Variants in OSBPL3 observed in about 807,000 individuals in gnomAD.
OSBPL3 encodes oxysterol binding protein like 3.
OSBPL3 carries 65 observed loss-of-function variants against 120.1 expected under a neutral mutation model. The observed-to-expected ratio is 0.54, with a 90% CI of 0.44 to 0.67. OSBPL3 has a LOEUF of 0.67. Ranked by LOEUF, OSBPL3 falls within the 30% of genes least tolerant of loss-of-function variation. The pLI is 0.00. For missense variants in OSBPL3, 1,004 were observed against 1,082.1 expected, an observed-to-expected ratio of 0.93 and a Z score of 1.01; for synonymous variants, 416 against 402.6, an observed-to-expected ratio of 1.03 and a Z score of -0.40.
rs1817397178 is a variant in OSBPL3, at chr7:24,974,777, TGAAATGTCTA to T, written c.-150+5099_-150+5108del. Among the ~76,000 whole-genome samples the T allele has an allele frequency of 2.0e-5, 3 of 152,286 alleles. 1 individual carries two copies. In the South Asian group the frequency reaches 6.2e-4, roughly 32 times the overall value. The stretch of plus-strand genomic sequence containing the variant: ...CACATACTATATGACTCCCCTTATA[TGAAATGTCTA>T]GAATAGGCAAATCCATACAGGCATA... On this transcript the variant is annotated intron_variant, in intron 1 of 22. Coordinates refer to ENST00000313367, the MANE Select transcript of OSBPL3 (RefSeq NM_015550.4).
At position 24,968,012 on chromosome 7, in the gene OSBPL3, CT is replaced by C. The variant is rs1398197898; in HGVS notation, c.-150+11873del. 6.6e-6 allele frequency among the ~76,000 whole-genome samples: 1 copy of C among 152,174 alleles called. No homozygotes were observed. The highest frequency in any genetic ancestry group is 1.5e-5 in the Non-Finnish European group (1 of 68,022). On this transcript the variant is annotated intron_variant, in intron 1 of 22. Coordinates refer to ENST00000313367, the MANE Select transcript of OSBPL3 (RefSeq NM_015550.4). The surrounding 1 kb of genome is among the most constrained non-coding windows in gnomAD (Gnocchi z 4.6). ...ACATACGCCTGAAACTCTGCAGTTA[CT>C]TTTTGGTTTGCTTTATATATTTACT...
chr7:24,885,216 T>C lies in OSBPL3; in HGVS notation c.96+7161A>G, dbSNP rs538940920. 1.6e-4 allele frequency among the ~76,000 whole-genome samples: 22 copies of C among 139,704 alleles called. No homozygotes were observed. In the East Asian group the frequency reaches 3.2e-3, roughly 20 times the overall value. The allele number at this position is 139,704 out of a possible 152,430, so 91.7% of individuals were successfully genotyped here. On this transcript the variant is annotated intron_variant, in intron 2 of 22. Coordinates refer to ENST00000313367, the MANE Select transcript of OSBPL3 (RefSeq NM_015550.4). ...CAGCCTGGGCAACAGAGTGAGACTCTGTCTCAAAAACAAAAAAAAAAAAAA... is the reference window on the plus strand; with the variant it reads ...CAGCCTGGGCAACAGAGTGAGACTCCGTCTCAAAAACAAAAAAAAAAAAAA...
chr7:24,809,673 C>T (rs766797261), intron 20 of OSBPL3, 134 bp downstream of exon 20: 32 of 739,412 alleles, frequency 4.3e-5, no homozygotes, highest in Non-Finnish European at 6.1e-5. Context: ...AGAGGGCCTA[C>T]ACCTCTAACC....
At chr7:24,823,650 C>T (rs980527062) in intron 16 of OSBPL3, among the ~76,000 whole-genome samples, 5 of 152,160 alleles carry the variant, frequency 3.3e-5, no homozygotes, top group African/African-American at 4.8e-5. Flanking sequence ...ACCTCAGTCT[C>T]GCATATTTCT....
intron 1 of OSBPL3, 59 bp downstream of exon 1, chr7:24,979,827 C>G: frequency 1.1e-6 from 1 of 950,502 alleles, no homozygotes; most frequent in Non-Finnish European, 1.3e-6. Flanking sequence ...TCCGAGCCCG[C>G]GCCGCCGCCA....
In OSBPL3 at chr7:24,926,386, T is replaced by C. The variant is rs532610117; in HGVS notation, c.-149-33765A>G. ...GACATGCTCTACCTGAGTATTCTAA[T>C]TCAATGGTCCCAGGATCCAGGTATA... On this transcript the variant is annotated intron_variant, in intron 1 of 22. Transcript: ENST00000313367. Among the ~76,000 whole-genome samples, 4 of 152,312 alleles carry C rather than the reference T, an allele frequency of 2.6e-5. No homozygotes were observed. The South Asian group carries it at 6.2e-4, about 24-fold the overall frequency.
In OSBPL3 at chr7:24,799,753, T is replaced by C. The variant is rs1367958802; in HGVS notation, c.*430A>G. 1.3e-5 allele frequency: 2 copies of C among 152,800 alleles called. No homozygotes were observed. Among genetic ancestry groups the C allele is most frequent in the Non-Finnish European group, 2.9e-5 (2 of 68,158 alleles). The allele number at this position is 152,800 out of a possible 1,614,324, so 9.5% of individuals were successfully genotyped here. A position where few individuals can be genotyped will look rare whatever the true frequency, so the allele number is the denominator to read the frequency against. On this transcript the variant is annotated 3_prime_UTR_variant, in exon 23 of 23. Coordinates refer to ENST00000313367, the MANE Select transcript of OSBPL3 (RefSeq NM_015550.4). This position sits in a 1 kb window ranked among gnomAD's most constrained non-coding sequence, Gnocchi z 5.3. Reference sequence around the variant, plus strand: ...TTTCAGCTACCAAATTAAACTTGGGTAGCTTACGCATGGGTGAGTAACCCT... The same window carrying C: ...TTTCAGCTACCAAATTAAACTTGGGCAGCTTACGCATGGGTGAGTAACCCT...
chr7:24,865,514 T>A (rs139365509), intron 6 of OSBPL3, 49 bp from the exon 7 acceptor site: 18 of 1,591,418 alleles, frequency 1.1e-5, no homozygotes, highest in Admixed American at 1.7e-5. Flanking sequence ...CAGAGCCCAT[T>A]GGGGACATGT....
rs1002574468 is a variant in OSBPL3, at chr7:24,937,603, C to T, written c.-150+42283G>A. Among the ~76,000 whole-genome samples the T allele has an allele frequency of 6.6e-6, 1 of 152,184 alleles. No homozygotes were observed. The highest frequency in any genetic ancestry group is 2.4e-5 in the African/African-American group (1 of 41,462). ...ACAAACAATACAGCAGTGAACAGAG[C>T]ATACATGAGACGTCCCAATACATGT... On this transcript the variant is annotated intron_variant, in intron 1 of 22. Transcript: ENST00000313367. This position sits in a 1 kb window ranked among gnomAD's most constrained non-coding sequence, Gnocchi z 4.0.
intron 1 of OSBPL3, among the ~76,000 whole-genome samples, chr7:24,910,971 G>A (rs1469294479): frequency 6.6e-6 from 1 of 152,184 alleles, no homozygotes; most frequent in East Asian, 1.9e-4. Context: ...CAGACACTGG[G>A]GATGAGGCCA....
At chr7:24,842,776 C>T (rs1797946347) in intron 12 of OSBPL3, among the ~76,000 whole-genome samples, 1 of 152,220 alleles carries the variant, frequency 6.6e-6, no homozygotes, top group South Asian at 2.1e-4. Context: ...CTAAAATCTC[C>T]TCTGCATTGC....
At chr7:24,853,820 G>C (rs956443431) in intron 10 of OSBPL3, among the ~76,000 whole-genome samples, 1 of 152,230 alleles carries the variant, frequency 6.6e-6, no homozygotes, top group Non-Finnish European at 1.5e-5. Context: ...TTTGGGTAAA[G>C]GGTATACAGA....
In OSBPL3 at chr7:24,959,542, C is replaced by T. The variant is rs757514620; in HGVS notation, c.-150+20344G>A. Among the ~76,000 whole-genome samples the T allele has an allele frequency of 2.6e-5, 4 of 152,102 alleles. No individual in the cohort carries two copies. The highest frequency in any genetic ancestry group is 1.3e-4 in the Admixed American group (2 of 15,270). On this transcript the variant is annotated intron_variant, in intron 1 of 22. Coordinates refer to ENST00000313367, the MANE Select transcript of OSBPL3 (RefSeq NM_015550.4). The surrounding 1 kb of genome is among the most constrained non-coding windows in gnomAD (Gnocchi z 4.3). ...AAATCAGGATGGAAATTACCCATTGCGGGTAGGGATAGCGACTTCGGAAGA... is the reference window on the plus strand; with the variant it reads ...AAATCAGGATGGAAATTACCCATTGTGGGTAGGGATAGCGACTTCGGAAGA...
chr7:24,979,151 TCAGA>T (rs1314746405), intron 1 of OSBPL3, among the ~76,000 whole-genome samples: 1 of 152,100 alleles, frequency 6.6e-6, no homozygotes, highest in Non-Finnish European at 1.5e-5. Flanking sequence ...TAGACAACGT[TCAGA>T]CAGAGTGCAT....
rs759695820 is a variant in OSBPL3 at position 24,831,460 on chromosome 7, G to A, written c.1747-555C>T. Among the ~76,000 whole-genome samples, 1 of 151,974 alleles carries A rather than the reference G, an allele frequency of 6.6e-6. No homozygotes were observed. The highest frequency in any genetic ancestry group is 2.1e-4 in the South Asian group (1 of 4,822). ...AGCCACAGGATATAGTGACTTTAAA[G>A]TTCTGCTTTTTTGGGAGGAAAAGTG... On this transcript the variant is annotated intron_variant, in intron 15 of 22. Transcript: ENST00000313367. The surrounding 1 kb of genome is among the most constrained non-coding windows in gnomAD (Gnocchi z 4.0).
intron 6 of OSBPL3, 33 bp downstream of exon 6, chr7:24,866,037 T>C: frequency 6.3e-7 from 1 of 1,582,214 alleles, no homozygotes; most frequent in South Asian, 1.1e-5. Flanking sequence ...GCCACCCCGT[T>C]CTCAGATTCA....
chr7:24,830,917 A>G lies in OSBPL3; in HGVS notation c.1747-12T>C. Reference sequence around the variant, plus strand: ...GCTGCCACATATACCTAAGGACAAGAGAAAAGAACTTTGTCATTTCCGTGT... The same window carrying G: ...GCTGCCACATATACCTAAGGACAAGGGAAAAGAACTTTGTCATTTCCGTGT... On this transcript the variant is annotated splice_polypyrimidine_tract_variant and intron_variant, in intron 15 of 22. Transcript: ENST00000313367. This position sits in a 1 kb window ranked among gnomAD's most constrained non-coding sequence, Gnocchi z 4.4. The G allele has an allele frequency of 1.3e-6, 2 of 1,581,202 alleles. No homozygotes were observed. The highest frequency in any genetic ancestry group is 1.7e-6 in the Non-Finnish European group (2 of 1,169,224).
Position 24,885,099 on chromosome 7 carries a change from G to A in OSBPL3, c.96+7278C>T, listed in dbSNP as rs918420618. Reference sequence around the variant, plus strand: ...ATGGTGGTACTACAGGTGCACACCTGTAGTCCCAGCTACTCAGGAGGCTGA... The same window carrying A: ...ATGGTGGTACTACAGGTGCACACCTATAGTCCCAGCTACTCAGGAGGCTGA... On this transcript the variant is annotated intron_variant, in intron 2 of 22. Transcript: ENST00000313367. Among the ~76,000 whole-genome samples the A allele has an allele frequency of 3.3e-5, 5 of 151,950 alleles. No individual in the cohort carries two copies. In the East Asian group the frequency reaches 7.7e-4, roughly 23 times the overall value.
At chr7:24,915,931 T>C (rs930048701) in intron 1 of OSBPL3, among the ~76,000 whole-genome samples, 2 of 152,114 alleles carry the variant, frequency 1.3e-5, no homozygotes, top group South Asian at 4.2e-4. Context: ...TAACAGTACA[T>C]TGATTAGGAA....
Sources: allele counts gnomAD v4.1 joint callset (sites outside exome capture counted in the v4.1 genomes callset), GRCh38; gene constraint gnomAD v4.1.1; non-coding constraint Gnocchi (gnomAD v3.1); transcripts MANE v1.5; gene names NCBI Gene and HGNC (gene_info 2026-07-23, HGNC 2026-07-21).